The following COL25A1 variants were observed in gnomAD, a reference collection of about 807,000 sequenced individuals.
COL25A1 encodes the protein collagen alpha-1(XXV) chain.
Under a neutral mutation model 128.4 loss-of-function variants are expected in COL25A1, and 103 were observed. The observed-to-expected ratio is 0.80, with a 90% confidence interval of 0.68 to 0.94. COL25A1 has a LOEUF of 0.94. Ranked by LOEUF, COL25A1 falls within the 40% of genes least tolerant of loss-of-function variation. The pLI is 0.00. For missense variants in COL25A1, 745 were observed against 840.0 expected, an observed-to-expected ratio of 0.89 and a Z score of 1.40; for synonymous variants, 279 against 277.2, an observed-to-expected ratio of 1.01 and a Z score of -0.06.
At chr4:108,930,390 A>T (rs1746586064) in intron 11 of COL25A1, among the ~76,000 whole-genome samples, 1 of 152,098 alleles carries the variant, frequency 6.6e-6, no homozygotes, top group African/African-American at 2.4e-5. Context: ...GGTACTAAGG[A>T]CTCCAGAATT....
chr4:109,119,841 C>T (rs539359080), intron 3 of COL25A1, among the ~76,000 whole-genome samples: 2 of 152,050 alleles, frequency 1.3e-5, no homozygotes, highest in African/African-American at 4.8e-5. Flanking sequence ...AAAAGAAAGC[C>T]TATCAATCAA....
At chr4:109,250,623 G>T (rs977434016) in intron 3 of COL25A1, among the ~76,000 whole-genome samples, 23 of 152,140 alleles carry the variant, frequency 1.5e-4, no homozygotes, top group African/African-American at 5.1e-4. Flanking sequence ...GACAGAGAAA[G>T]CAAATTCTCC....
intron 30 of COL25A1, among the ~76,000 whole-genome samples, chr4:108,843,588 T>C (rs1057028881): frequency 6.6e-6 from 1 of 152,180 alleles, no homozygotes; most frequent in Admixed American, 6.5e-5. Flanking sequence ...AGGGCCACTG[T>C]CACCATTGGC....
chr4:108,957,976 A>T (rs182030140), intron 8 of COL25A1, among the ~76,000 whole-genome samples: 2 of 152,272 alleles, frequency 1.3e-5, no homozygotes, highest in Admixed American at 1.3e-4. Flanking sequence ...TAAGAAAAAA[A>T]ATTCAGATGC....
At chr4:109,117,899 T>A (rs1000991265) in intron 3 of COL25A1, among the ~76,000 whole-genome samples, 1 of 151,774 alleles carries the variant, frequency 6.6e-6, no homozygotes, top group African/African-American at 2.4e-5. Flanking sequence ...TTAAAACCAG[T>A]GTTTTTAAAA....
chr4:108,906,762 C>G (rs1743575426), intron 13 of COL25A1, among the ~76,000 whole-genome samples: 1 of 152,212 alleles, frequency 6.6e-6, no homozygotes, highest in Non-Finnish European at 1.5e-5. Flanking sequence ...AGTCTATGAG[C>G]TCCTTGGGCA....
At chr4:108,949,443 C>A (rs1356223711) in intron 8 of COL25A1, among the ~76,000 whole-genome samples, 1 of 152,102 alleles carries the variant, frequency 6.6e-6, no homozygotes, top group Non-Finnish European at 1.5e-5. Context: ...AGGGGTCTTG[C>A]CCACCCAATT....
intron 3 of COL25A1, among the ~76,000 whole-genome samples, chr4:109,116,457 A>C (rs1470179168): frequency 6.6e-6 from 1 of 152,018 alleles, no homozygotes; most frequent in African/African-American, 2.4e-5. Flanking sequence ...AGCACTGGTG[A>C]GGTTCACAGC....
At chr4:109,243,512 G>C (rs1405094725) in intron 3 of COL25A1, among the ~76,000 whole-genome samples, 1 of 151,912 alleles carries the variant, frequency 6.6e-6, no homozygotes. Flanking sequence ...GATAATTAAA[G>C]GGTTGGTAGG....
rs1264806017 is a variant in COL25A1, at chr4:109,220,255, A to C, written c.367+80328T>G. 1.3e-5 allele frequency among the ~76,000 whole-genome samples: 2 copies of C among 152,204 alleles called. 1 individual carries two copies. Among genetic ancestry groups the C allele is most frequent in the African/African-American group, 4.8e-5 (2 of 41,470 alleles). ...TGGTTCGTTACATTTTATTTTAAAG[A>C]TTAACTGATTTTGCTCTTCAGTGAA... On this transcript the variant is annotated intron_variant, in intron 3 of 37. Transcript: ENST00000399132.
chr4:109,082,084 T>C (rs138827555), intron 3 of COL25A1, among the ~76,000 whole-genome samples: 128 of 152,356 alleles, frequency 8.4e-4, no homozygotes, highest in African/African-American at 3.0e-3. Context: ...ATGTGGTCTT[T>C]TATGACTAGC....
intron 17 of COL25A1, 118 bp from the exon 18 acceptor site, chr4:108,889,374 T>C: frequency 2.2e-6 from 2 of 923,084 alleles, no homozygotes; most frequent in Non-Finnish European, 3.4e-6. Context: ...ACATGTCTTT[T>C]ATTTCCTTTA....
chr4:109,089,464 T>G (rs1322904349), intron 3 of COL25A1, among the ~76,000 whole-genome samples: 1 of 152,202 alleles, frequency 6.6e-6, no homozygotes, highest in Non-Finnish European at 1.5e-5. Context: ...AAACCTGTAC[T>G]CATTTTATTT....
intron 6 of COL25A1, among the ~76,000 whole-genome samples, chr4:108,976,443 ATTCCTGGGCCTCATTGAGATT>A (rs931863248): frequency 2.6e-5 from 4 of 152,230 alleles, no homozygotes; most frequent in African/African-American, 9.6e-5. Context: ...GCAGCTGTCT[ATTCCTGGGCCTCATTGAGATT>A]TTCCTTACCT....
chr4:109,184,262 C>G (rs578131578), intron 3 of COL25A1, among the ~76,000 whole-genome samples: 34 of 152,270 alleles, frequency 2.2e-4, no homozygotes, highest in African/African-American at 7.9e-4. Flanking sequence ...TAGATGAACT[C>G]TCACTCCCAT....
At position 109,295,590 on chromosome 4, in the gene COL25A1, T is replaced by C. The variant is rs930225797; in HGVS notation, c.367+4993A>G. On this transcript the variant is annotated intron_variant, in intron 3 of 37. Coordinates refer to ENST00000399132, the MANE Select transcript of COL25A1 (RefSeq NM_198721.4). ...TGTGCAGTGTTAAGATAAAAACATA[T>C]AGCATAAGTGAAAAACCATGTATAC... 4.6e-5 allele frequency among the ~76,000 whole-genome samples: 7 copies of C among 152,068 alleles called. No individual in the cohort carries two copies. In the South Asian group the frequency reaches 8.3e-4, roughly 18 times the overall value.
At chr4:108,984,701 C>G (rs577144144) in intron 6 of COL25A1, among the ~76,000 whole-genome samples, 1 of 152,218 alleles carries the variant, frequency 6.6e-6, no homozygotes, top group African/African-American at 2.4e-5. Context: ...CCGCAAGCAC[C>G]GCGCGCAGCC....
At chr4:109,000,172 T>C (rs1239031212) in intron 6 of COL25A1, among the ~76,000 whole-genome samples, 1 of 152,036 alleles carries the variant, frequency 6.6e-6, no homozygotes, top group Non-Finnish European at 1.5e-5. Flanking sequence ...TCATGAATAA[T>C]TATAATACAA....
At position 108,827,035 on chromosome 4, in the gene COL25A1, T is replaced by C. The variant is rs114119386; in HGVS notation, c.1764+100A>G. On this transcript the variant is annotated intron_variant, in intron 33 of 37. Coordinates refer to ENST00000399132, the MANE Select transcript of COL25A1 (RefSeq NM_198721.4). ...ATAATGAGTGGATTGTTGTTTCTTC[T>C]CTAACATTAGTCTGCCCCACAAGCG... The C allele has an allele frequency of 7.9e-4, 780 of 986,664 alleles. 3 individuals are homozygous for C. The African/African-American group carries it at 0.012, about 15-fold the overall frequency. The allele number at this position is 986,664 out of a possible 1,614,324, so 61.1% of individuals were successfully genotyped here.
Sources: allele counts gnomAD v4.1 joint callset (sites outside exome capture counted in the v4.1 genomes callset), GRCh38; gene constraint gnomAD v4.1.1; transcripts MANE v1.5; gene names NCBI Gene and HGNC (gene_info 2026-07-23, HGNC 2026-07-21).